Variants in SLCO6A1 observed in about 807,000 individuals in gnomAD.
SLCO6A1 encodes the protein cancer/testis antigen 48.
In SLCO6A1, 65 loss-of-function variants were observed where a neutral mutation model predicts 72.7. That is an observed-to-expected ratio of 0.89 (90% CI 0.73 to 1.10). The LOEUF (loss-of-function observed/expected upper bound fraction) is 1.10, where lower values mean the gene tolerates loss of function less well. Among genes scored for constraint, SLCO6A1 ranks in the 50% least tolerant of loss-of-function variants. SLCO6A1 has a pLI of 0.00. For missense variants in SLCO6A1, 874 were observed against 872.6 expected, an observed-to-expected ratio of 1.00 and a Z score of -0.02; for synonymous variants, 314 against 298.2, an observed-to-expected ratio of 1.05 and a Z score of -0.55.
intron 6 of SLCO6A1, among the ~76,000 whole-genome samples, chr5:102,451,752 T>A (rs556700398): frequency 1.1e-4 from 16 of 152,322 alleles, no homozygotes; most frequent in African/African-American, 3.8e-4. Flanking sequence ...TGGGTCATGT[T>A]GCTTCCTTGA....
intron 12 of SLCO6A1, among the ~76,000 whole-genome samples, chr5:102,375,020 C>A (rs1745703017): frequency 6.6e-6 from 1 of 152,092 alleles, no homozygotes; most frequent in African/African-American, 2.4e-5. Flanking sequence ...AGCTTTTTCT[C>A]TGTGGTTATT....
At chr5:102,481,445 C>T (rs1752189597) in intron 1 of SLCO6A1, among the ~76,000 whole-genome samples, 1 of 152,156 alleles carries the variant, frequency 6.6e-6, no homozygotes, top group South Asian at 2.1e-4. Context: ...AGAGAGTCTT[C>T]CCTTTGCCCT....
intron 8 of SLCO6A1, among the ~76,000 whole-genome samples, chr5:102,417,879 C>A (rs906680346): frequency 3.3e-5 from 5 of 151,824 alleles, no homozygotes; most frequent in African/African-American, 1.2e-4. Flanking sequence ...GCCTGTAATC[C>A]CAGCTACTAG....
At position 102,477,754 on chromosome 5, in the gene SLCO6A1, C is replaced by T. The variant is rs577872314; in HGVS notation, c.724G>A (p.Ala242Thr). ...FILGQTVQGIAGMPLYILGIT... is the reference protein window; with the variant it reads ...FILGQTVQGITGMPLYILGIT... ...CCAAGGATATAAAGAGGCATTCCTG[C>T]TATTCCCTGCACAGTCTGCCCAAGG... is the stretch of plus-strand genomic sequence containing the variant. Residue 242 changes from alanine to threonine, a missense_variant, in exon 3 of 14, where the codon GCA becomes ACA. Transcript: ENST00000506729. The T allele has an allele frequency of 7.4e-6, 12 of 1,613,694 alleles. No homozygotes were observed. The highest frequency in any genetic ancestry group is 5.0e-5 in the Admixed American group (3 of 59,938).
intron 4 of SLCO6A1, among the ~76,000 whole-genome samples, chr5:102,465,326 T>C (rs1280737990): frequency 6.6e-6 from 1 of 151,902 alleles, no homozygotes; most frequent in Non-Finnish European, 1.5e-5. Context: ...TATATATATA[T>C]ATATATCTGG....
chr5:102,495,597 A>G (rs1298655230), intron 1 of SLCO6A1, among the ~76,000 whole-genome samples: 8 of 152,250 alleles, frequency 5.3e-5, no homozygotes, highest in Non-Finnish European at 1.2e-4. Context: ...CTCACTCAGC[A>G]GAGGCAGTCT....
chr5:102,409,023 C>T (rs1238222415), intron 9 of SLCO6A1, among the ~76,000 whole-genome samples: 1 of 151,880 alleles, frequency 6.6e-6, no homozygotes, highest in South Asian at 2.1e-4. Context: ...ACTATATCAG[C>T]GGCTGAAAGG....
At position 102,374,975 on chromosome 5, in the gene SLCO6A1, C is replaced by A. The variant is rs189782381; in HGVS notation, c.2018-1481G>T. Among the ~76,000 whole-genome samples, 264 of 152,020 alleles carry A rather than the reference C, an allele frequency of 1.7e-3. 3 individuals are homozygous for A. Among genetic ancestry groups the A allele is most frequent in the African/African-American group, 6.1e-3 (254 of 41,478 alleles). On this transcript the variant is annotated intron_variant, in intron 12 of 13. Transcript: ENST00000506729. ...AGATAGATTAATATCCAAGGCAGGG[C>A]AGAACTTAAGTGGAGGTGATCCGAC...
chr5:102,487,095 T>C (rs964335239), intron 1 of SLCO6A1, among the ~76,000 whole-genome samples: 1 of 152,188 alleles, frequency 6.6e-6, no homozygotes, highest in African/African-American at 2.4e-5. Flanking sequence ...AATTTGGAAT[T>C]GAAAATGAGC....
At chr5:102,434,895 G>C (rs965221752) in intron 7 of SLCO6A1, among the ~76,000 whole-genome samples, 18 of 152,020 alleles carry the variant, frequency 1.2e-4, no homozygotes, top group Admixed American at 9.8e-4. Context: ...ATTACCCTGA[G>C]TGTAAAAAGA....
chr5:102,453,079 T>C (rs1310985922), intron 6 of SLCO6A1, among the ~76,000 whole-genome samples: 3 of 152,150 alleles, frequency 2.0e-5, no homozygotes, highest in Admixed American at 6.5e-5. Flanking sequence ...AAAAGGAAAC[T>C]TTGGTTATGT....
chr5:102,412,918 TA>T, intron 9 of SLCO6A1, 71 bp downstream of exon 9: 1 of 675,660 alleles, frequency 1.5e-6, no homozygotes, highest in Non-Finnish European at 2.1e-6. Context: ...GGAAGAAGCA[TA>T]AAAATAATAA....
rs756897643 is a variant in SLCO6A1, at chr5:102,421,159, G to T, written c.1277-1138C>A. 7.3e-4 allele frequency among the ~76,000 whole-genome samples: 111 copies of T among 152,130 alleles called. 1 individual carries two copies. The highest frequency in any genetic ancestry group is 3.1e-4 in the Non-Finnish European group (21 of 68,028). On this transcript the variant is annotated intron_variant, in intron 7 of 13. Transcript: ENST00000506729. Reference sequence around the variant, plus strand: ...ATTCCCTCGGGTGCCTACACCACCAGGGCCCTGGGTTTCAAGCACAAAACT... The same window carrying T: ...ATTCCCTCGGGTGCCTACACCACCATGGCCCTGGGTTTCAAGCACAAAACT...
intron 7 of SLCO6A1, among the ~76,000 whole-genome samples, chr5:102,434,552 C>T (rs1201148966): frequency 6.6e-6 from 1 of 152,122 alleles, no homozygotes; most frequent in African/African-American, 2.4e-5. Context: ...TGTCTTCTTC[C>T]AGCACACATG....
chr5:102,496,287 A>G (rs905879646), intron 1 of SLCO6A1, among the ~76,000 whole-genome samples: 3 of 152,220 alleles, frequency 2.0e-5, no homozygotes, highest in Non-Finnish European at 4.4e-5. Flanking sequence ...TATTGTTTGT[A>G]CTGCCTTTGT....
At chr5:102,404,479 C>G (rs1480961163) in intron 9 of SLCO6A1, among the ~76,000 whole-genome samples, 1 of 151,942 alleles carries the variant, frequency 6.6e-6, no homozygotes, top group Non-Finnish European at 1.5e-5. Flanking sequence ...GTACTCCAGC[C>G]TGGGTGATGG....
chr5:102,435,562 A>T (rs1355991114), intron 7 of SLCO6A1, among the ~76,000 whole-genome samples: 1 of 152,110 alleles, frequency 6.6e-6, no homozygotes, highest in African/African-American at 2.4e-5. Context: ...TCCATTCAAC[A>T]CACATCATGG....
intron 10 of SLCO6A1, among the ~76,000 whole-genome samples, chr5:102,393,949 T>C (rs947199179): frequency 1.3e-5 from 2 of 152,202 alleles, no homozygotes; most frequent in African/African-American, 4.8e-5. Context: ...AAAATTATTT[T>C]GTCATTCTTA....
At chr5:102,405,402 A>C (rs1747618148) in intron 9 of SLCO6A1, among the ~76,000 whole-genome samples, 1 of 151,622 alleles carries the variant, frequency 6.6e-6, no homozygotes, top group South Asian at 2.1e-4. Flanking sequence ...AAAATTTAAA[A>C]AAAAAAGAAA....
Sources: allele counts gnomAD v4.1 joint callset (sites outside exome capture counted in the v4.1 genomes callset), GRCh38; gene constraint gnomAD v4.1.1; transcripts MANE v1.5; gene names NCBI Gene and HGNC (gene_info 2026-07-23, HGNC 2026-07-21).